SYTL5: variants seen among roughly 807,000 people sequenced by gnomAD.
The protein encoded by SYTL5 is synaptotagmin like 5, also known as synaptotagmin-like protein 5.
SYTL5 carries 34 observed loss-of-function variants against 55.9 expected under a neutral mutation model. That is an observed-to-expected ratio of 0.61 (90% CI 0.46 to 0.81). The LOEUF is 0.81. Ranked by LOEUF, SYTL5 falls within the 30% of genes least tolerant of loss-of-function variation. The pLI, the probability that SYTL5 is intolerant of heterozygous loss-of-function variation, is 0.00. For synonymous variants in SYTL5, 221 were observed against 188.7 expected (o/e 1.17, Z -1.40); for missense variants, 637 against 546.7 (o/e 1.17, Z -1.65).
chrX:38,115,587 C>T (rs1164082767), intron 13 of SYTL5, among the ~76,000 whole-genome samples: 2 of 107,096 alleles, frequency 1.9e-5, no homozygotes, highest in African/African-American at 6.8e-5. Context: ...TTCTATAACA[C>T]TTACTATATT....
chrX:38,045,679 C>A (rs753944622), intron 2 of SYTL5, among the ~76,000 whole-genome samples: 3 of 112,490 alleles, frequency 2.7e-5, no homozygotes, highest in Non-Finnish European at 5.6e-5. Context: ...TGTTCTTTTA[C>A]TCCTTCTTCT....
the SYTL5 span, among the ~76,000 whole-genome samples, chrX:37,921,514 C>T: frequency 2.7e-3 from 301 of 111,577 alleles, no homozygotes; most frequent in Middle Eastern, 0.014. Context: ...TACAGTACTT[C>T]AGAATTATTC....
At chrX:38,034,624 G>A (rs181131447) in intron 2 of SYTL5, among the ~76,000 whole-genome samples, 249 of 112,162 alleles carry the variant, frequency 2.2e-3, no homozygotes, top group African/African-American at 7.7e-3. Context: ...TGTGAAGAAA[G>A]TTGAACGATG....
At chrX:38,088,825 T>C (rs889784768) in intron 6 of SYTL5, among the ~76,000 whole-genome samples, 1 of 112,371 alleles carries the variant, frequency 8.9e-6, no homozygotes, top group Non-Finnish European at 1.9e-5. Flanking sequence ...AATTATGGCA[T>C]GGACTCTGTT....
At chrX:37,926,193 G>A in the SYTL5 span, among the ~76,000 whole-genome samples, 1 of 111,632 alleles carries the variant, frequency 9.0e-6, no homozygotes, top group African/African-American at 3.3e-5. Context: ...TCTCCATACT[G>A]TTTTGGTTTT....
the SYTL5 span, among the ~76,000 whole-genome samples, chrX:37,961,110 C>T: frequency 2.7e-5 from 3 of 111,203 alleles, no homozygotes; most frequent in South Asian, 1.1e-3. Flanking sequence ...AGCCTCTACC[C>T]ATCACCCAAT....
chrX:38,073,566 C>T (rs1936318813), intron 4 of SYTL5, 24 bp from the exon 5 acceptor site: 1 of 1,088,423 alleles, frequency 9.2e-7, no homozygotes, highest in African/African-American at 1.9e-5. Flanking sequence ...ATGTAAATTT[C>T]TCTTCTGATT....
At chrX:38,125,642 C>T in intron 16 of SYTL5, 136 bp downstream of exon 16, 2 of 475,001 alleles carry the variant, frequency 4.2e-6, no homozygotes, top group Middle Eastern at 5.8e-4. Context: ...ATACTTCATT[C>T]CTTTAGCTAA....
At chrX:37,973,680 C>G in the SYTL5 span, among the ~76,000 whole-genome samples, 1 of 110,091 alleles carries the variant, frequency 9.1e-6, no homozygotes, top group East Asian at 2.8e-4. Flanking sequence ...GTCGCCCAGG[C>G]TGGAGTGCAA....
chrX:38,108,804 A>G (rs1010185304), intron 12 of SYTL5, 105 bp downstream of exon 12: 1 of 483,640 alleles, frequency 2.1e-6, no homozygotes, highest in Admixed American at 4.0e-5. Flanking sequence ...AGGCTTGTAT[A>G]TGTTTTAGAA....
intron 2 of SYTL5, among the ~76,000 whole-genome samples, chrX:38,036,437 G>C (rs1255455448): frequency 9.0e-6 from 1 of 111,591 alleles, no homozygotes; most frequent in Non-Finnish European, 1.9e-5. Context: ...ATATACAACA[G>C]AGTATCAAGA....
chrX:38,035,072 A>G (rs1362296513), intron 2 of SYTL5, among the ~76,000 whole-genome samples: 2 of 112,286 alleles, frequency 1.8e-5, no homozygotes, highest in African/African-American at 6.5e-5. Context: ...AAATAATTTA[A>G]GTATTCTTGA....
the SYTL5 span, among the ~76,000 whole-genome samples, chrX:37,978,024 G>T: frequency 9.0e-6 from 1 of 111,518 alleles, no homozygotes; most frequent in Non-Finnish European, 1.9e-5. Context: ...TTTAAAAAAT[G>T]GAGTCAGTCT....
intron 1 of SYTL5, among the ~76,000 whole-genome samples, chrX:38,015,097 G>C (rs1934309467): frequency 9.0e-6 from 1 of 111,724 alleles, no homozygotes; most frequent in South Asian, 3.7e-4. Context: ...TTCATAACAG[G>C]GCCTGAAACT....
intron 6 of SYTL5, among the ~76,000 whole-genome samples, chrX:38,082,212 T>A (rs778930823): frequency 8.0e-5 from 9 of 112,049 alleles, no homozygotes; most frequent in Non-Finnish European, 1.5e-4. Flanking sequence ...TTTTGTCTGT[T>A]TCTCCAATTG....
At position 38,126,627 on chromosome X, in the gene SYTL5, A is replaced by G. The variant is rs561453489; in HGVS notation, c.2090A>G (p.Gln697Arg). The change falls in exon 17 of 17, where the codon CAG becomes CGG. Residue 697 changes from glutamine (Q) to arginine (R), a missense_variant. By Grantham distance (43) the Gln-to-Arg change is conservative. Coordinates refer to ENST00000297875, the MANE Select transcript of SYTL5 (RefSeq NM_138780.3). ...AAGAACGTGGATTGGATGGACTCTC[A>G]GGGGGAAGAGCAGCGCCTTTGGCAG... ...HGKNVDWMDS[Q>R]GEEQRLWQKM... 6.5e-5 allele frequency: 78 copies of G among 1,209,216 alleles called. No individual in the cohort carries two copies. In the South Asian group the frequency reaches 1.2e-3, roughly 19 times the overall value.
chrX:37,963,291 T>TG, the SYTL5 span, among the ~76,000 whole-genome samples: 6 of 39,427 alleles, frequency 1.5e-4, no homozygotes, highest in Non-Finnish European at 2.6e-4. Context: ...TTTTGTGGGT[T>TG]TTTTTTTTTT....
chrX:38,080,643 AG>A (rs1398272662), intron 6 of SYTL5, among the ~76,000 whole-genome samples: 1 of 112,052 alleles, frequency 8.9e-6, no homozygotes, highest in Non-Finnish European at 1.9e-5. Flanking sequence ...CTCTCTGTCC[AG>A]GAAATATGGC....
chrX:37,897,046 A>C, the SYTL5 span, among the ~76,000 whole-genome samples: 1 of 111,670 alleles, frequency 9.0e-6, no homozygotes, highest in Non-Finnish European at 1.9e-5. Flanking sequence ...AAACATTTGA[A>C]GGAGATTTAA....
Sources: allele counts gnomAD v4.1 joint callset (sites outside exome capture counted in the v4.1 genomes callset), GRCh38; gene constraint gnomAD v4.1.1; transcripts MANE v1.5; gene names NCBI Gene and HGNC (gene_info 2026-07-23, HGNC 2026-07-21).